Variants in DCTN5 observed in about 807,000 individuals in gnomAD.
DCTN5 encodes the protein dynactin subunit 5, also known as dynactin 4.
In DCTN5, 14 loss-of-function variants were observed where a neutral mutation model predicts 23.5. The ratio of observed to expected loss-of-function variants is 0.60; its 90% CI spans 0.39 to 0.93. The LOEUF (loss-of-function observed/expected upper bound fraction) is 0.93. Ranked by LOEUF, DCTN5 falls within the 40% of genes least tolerant of loss-of-function variation. The pLI, the probability that DCTN5 is intolerant of heterozygous loss-of-function variation, is 0.00. For missense variants in DCTN5, 156 were observed against 225.9 expected, an observed-to-expected ratio of 0.69 and a Z score of 1.98; for synonymous variants, 67 against 79.6, an observed-to-expected ratio of 0.84 and a Z score of 0.84.
At chr16:23,650,435 C>G (rs1967575600) in intron 2 of DCTN5, among the ~76,000 whole-genome samples, 1 of 151,698 alleles carries the variant, frequency 6.6e-6, no homozygotes, top group Admixed American at 6.6e-5. Flanking sequence ...CTCCTGCCTC[C>G]CTCCCTCCCC....
rs1967989442 is a variant in DCTN5 at position 23,670,645 on chromosome 16, G to A, written c.*3501G>A. On this transcript the variant is annotated 3_prime_UTR_variant, in exon 6 of 6. Transcript: ENST00000300087. Reference sequence around the variant, plus strand: ...TCTCCTGGGGGTTAGCTTCCATGGAGCTGCAAGTCCCCTGAAATGATACTG... The same window carrying A: ...TCTCCTGGGGGTTAGCTTCCATGGAACTGCAAGTCCCCTGAAATGATACTG... The A allele has an allele frequency of 6.6e-6, 1 of 152,190 alleles. No homozygotes were observed. Among genetic ancestry groups the A allele is most frequent in the Non-Finnish European group, 1.5e-5 (1 of 68,042 alleles). 9.4% of individuals were successfully genotyped at this position (152,190 alleles called of 1,614,324 possible). A position where few individuals can be genotyped will look rare whatever the true frequency, so the allele number is the denominator to read the frequency against.
At chr16:23,658,392 C>T in intron 2 of DCTN5, 115 bp from the exon 3 acceptor site, 1 of 745,090 alleles carries the variant, frequency 1.3e-6, no homozygotes, top group Non-Finnish European at 2.3e-6. Context: ...ACATTTGAAA[C>T]ATTCTGTCAG....
At chr16:23,663,519 G>T (rs958365755) in intron 4 of DCTN5, among the ~76,000 whole-genome samples, 1 of 152,058 alleles carries the variant, frequency 6.6e-6, no homozygotes, top group Admixed American at 6.6e-5. Flanking sequence ...TTTAAGACCA[G>T]CCTGGCCAAC....
chr16:23,662,889 C>A (rs1967840452), intron 4 of DCTN5, among the ~76,000 whole-genome samples: 1 of 152,214 alleles, frequency 6.6e-6, no homozygotes, highest in Admixed American at 6.5e-5. Flanking sequence ...ATTCCCAGTG[C>A]TTAGGAAATT....
At chr16:23,665,856 T>C in intron 5 of DCTN5, 128 bp downstream of exon 5, 1 of 728,916 alleles carries the variant, frequency 1.4e-6, no homozygotes. Flanking sequence ...GAAATTCACC[T>C]GTACAAAGTA....
intron 4 of DCTN5, 124 bp from the exon 5 acceptor site, chr16:23,665,502 A>C: frequency 1.2e-6 from 1 of 807,106 alleles, no homozygotes; most frequent in Non-Finnish European, 1.9e-6. Flanking sequence ...TGAAGCAGGA[A>C]GTTGCAACCA....
At chr16:23,660,416 C>T (rs1405321481) in intron 3 of DCTN5, among the ~76,000 whole-genome samples, 1 of 152,196 alleles carries the variant, frequency 6.6e-6, no homozygotes, top group African/African-American at 2.4e-5. Flanking sequence ...AATGTGATCA[C>T]AGAACCACTG....
intron 2 of DCTN5, chr16:23,651,297 T>C: frequency 1.5e-6 from 1 of 675,058 alleles, no homozygotes; most frequent in Non-Finnish European, 1.8e-6. Flanking sequence ...TTCTTTCTTT[T>C]TAACACCCCG....
intron 2 of DCTN5, among the ~76,000 whole-genome samples, chr16:23,648,344 C>CTTTTTTTTTTTTTTTTTTTT (rs960786045): frequency 2.8e-5 from 3 of 105,524 alleles, no homozygotes; most frequent in Admixed American, 9.9e-5. Flanking sequence ...TTTCTTTTTT[C>CTTTTTTTTTTTTTTTTTTTT]TTTTTTTTTT....
intron 4 of DCTN5, among the ~76,000 whole-genome samples, chr16:23,663,977 TTGTC>T (rs1348521258): frequency 7.9e-5 from 12 of 151,986 alleles, no homozygotes; most frequent in Admixed American, 5.2e-4. Flanking sequence ...CCAGGGCCCT[TTGTC>T]TGTGGATCCC....
chr16:23,652,203 G>A (rs765371221), intron 2 of DCTN5, among the ~76,000 whole-genome samples: 15 of 152,172 alleles, frequency 9.9e-5, no homozygotes, highest in Non-Finnish European at 1.6e-4. Flanking sequence ...TCAGAGTCAG[G>A]TGTTCAGGCT....
chr16:23,650,897 A>T, intron 2 of DCTN5: 1 of 1,396,924 alleles, frequency 7.2e-7, no homozygotes. Flanking sequence ...AATGTGACCA[A>T]TCTAAGCCCA....
At chr16:23,658,397 T>C in intron 2 of DCTN5, 110 bp from the exon 3 acceptor site, 2 of 759,130 alleles carry the variant, frequency 2.6e-6, no homozygotes, top group Non-Finnish European at 4.6e-6. Flanking sequence ...TGAAACATTC[T>C]GTCAGAGTGG....
Position 23,674,580 on chromosome 16 carries a change from C to T in DCTN5, c.*7436C>T, listed in dbSNP as rs1191171992. The T allele has an allele frequency of 6.6e-6, 1 of 152,204 alleles. No individual in the cohort carries two copies. The highest frequency in any genetic ancestry group is 1.5e-5 in the Non-Finnish European group (1 of 68,042). The allele number at this position is 152,204 out of a possible 1,614,324, so 9.4% of individuals were successfully genotyped here. A position where few individuals can be genotyped will look rare whatever the true frequency, so the allele number is the denominator to read the frequency against. The stretch of plus-strand genomic sequence containing the variant: ...TCTACTTCCCTCACTTTTCTCCCAG[C>T]ACACACAGCTTAGTAAGGTAGGTGG... On this transcript the variant is annotated 3_prime_UTR_variant, in exon 6 of 6. Coordinates refer to ENST00000300087, the MANE Select transcript of DCTN5 (RefSeq NM_032486.4).
chr16:23,648,209 G>T (rs189352147), intron 2 of DCTN5, among the ~76,000 whole-genome samples: 56 of 152,116 alleles, frequency 3.7e-4, no homozygotes, highest in Middle Eastern at 3.4e-3. Context: ...AGGCTAGAGT[G>T]CAGTGGCACA....
At chr16:23,645,174 G>A (rs1177486157) in intron 2 of DCTN5, among the ~76,000 whole-genome samples, 3 of 113,052 alleles carry the variant, frequency 2.7e-5, no homozygotes, top group African/African-American at 1.0e-4. Flanking sequence ...TGCTCTTGTT[G>A]CCCAGGCTGG....
In DCTN5 at chr16:23,667,602, C is replaced by T. The variant is rs1262334821; in HGVS notation, c.*458C>T. 3.2e-5 allele frequency: 5 copies of T among 158,310 alleles called. No individual in the cohort carries two copies. The highest frequency in any genetic ancestry group is 5.6e-5 in the Non-Finnish European group (4 of 71,526). 9.8% of individuals were successfully genotyped at this position (158,310 alleles called of 1,614,324 possible). ...ATGCCCAGCTTTTCTGCTGCTAACA[C>T]ATTTGGCCAGTTGTTGCAGTTGCTC... is the stretch of plus-strand genomic sequence containing the variant. On this transcript the variant is annotated 3_prime_UTR_variant, in exon 6 of 6. Transcript: ENST00000300087.
At chr16:23,648,558 C>A (rs1967525986) in intron 2 of DCTN5, among the ~76,000 whole-genome samples, 1 of 151,706 alleles carries the variant, frequency 6.6e-6, no homozygotes, top group Admixed American at 6.6e-5. Flanking sequence ...CCATGTTGGC[C>A]AGGCTGGTCG....
At position 23,648,597 on chromosome 16, in the gene DCTN5, G is replaced by T. The variant is rs1402453249; in HGVS notation, c.117+5574G>T. On this transcript the variant is annotated intron_variant, in intron 2 of 5. Transcript: ENST00000300087. ...ACTCCTGACCTCAAGTATTCCGCCT[G>T]CCTCGGCCTCCCAAAGTGCTGGGAT... Among the ~76,000 whole-genome samples, 4 of 151,792 alleles carry T rather than the reference G, an allele frequency of 2.6e-5. No homozygotes were observed. The East Asian group carries it at 7.8e-4, about 29-fold the overall frequency.
Sources: gnomAD v4.1 joint callset for allele counts (sites outside exome capture counted in the v4.1 genomes callset) on GRCh38, gnomAD v4.1.1 for gene constraint, MANE v1.5 for transcripts, NCBI Gene and HGNC (gene_info 2026-07-23, HGNC 2026-07-21) for gene names.